The following RNF216 variants were observed in gnomAD, a reference collection of about 807,000 sequenced individuals.
RNF216 encodes E3 ubiquitin-protein ligase RNF216.
Under a neutral mutation model 110.8 loss-of-function variants are expected in RNF216, and 72 were observed. That is an observed-to-expected ratio of 0.65 (90% CI 0.54 to 0.79). The LOEUF (loss-of-function observed/expected upper bound fraction) is 0.79. Ranked by LOEUF, RNF216 falls within the 30% of genes least tolerant of loss-of-function variation. The pLI is 0.00. For synonymous variants in RNF216, 495 were observed against 407.5 expected, an observed-to-expected ratio of 1.21 and a Z score of -2.59; for missense variants, 1,342 against 1,141.2, an observed-to-expected ratio of 1.18 and a Z score of -2.54.
At chr7:5,707,331 G>C (rs115911752) in intron 13 of RNF216, among the ~76,000 whole-genome samples, 1 of 152,106 alleles carries the variant, frequency 6.6e-6, no homozygotes, top group Admixed American at 6.5e-5. Context: ...ATAGTTTTCA[G>C]TGTATAAGTC....
At chr7:5,731,119 T>C (rs1280201288) in intron 5 of RNF216, among the ~76,000 whole-genome samples, 1 of 152,190 alleles carries the variant, frequency 6.6e-6, no homozygotes, top group Non-Finnish European at 1.5e-5. Context: ...CTATTATTGG[T>C]TAAACTACAA....
intron 14 of RNF216, among the ~76,000 whole-genome samples, chr7:5,647,675 G>A (rs1487754167): frequency 6.6e-6 from 1 of 152,122 alleles, no homozygotes; most frequent in Admixed American, 6.5e-5. Flanking sequence ...GGGTTAGCTC[G>A]TATAGTTTTA....
chr7:5,633,546 G>T (rs1360308606), intron 15 of RNF216, among the ~76,000 whole-genome samples: 2 of 152,120 alleles, frequency 1.3e-5, no homozygotes, highest in African/African-American at 4.8e-5. Context: ...CTGCACTCCA[G>T]CCTGGGCGAC....
intron 13 of RNF216, among the ~76,000 whole-genome samples, chr7:5,691,931 G>C (rs990139049): frequency 6.6e-6 from 1 of 152,168 alleles, no homozygotes; most frequent in African/African-American, 2.4e-5. Flanking sequence ...AGACCCCAGG[G>C]GCCGACAGTC....
At chr7:5,669,477 A>T (rs987322391) in intron 13 of RNF216, among the ~76,000 whole-genome samples, 6 of 152,218 alleles carry the variant, frequency 3.9e-5, no homozygotes, top group African/African-American at 1.4e-4. Context: ...GTGAAAGATT[A>T]TATTGACAGA....
intron 8 of RNF216, 99 bp from the exon 9 acceptor site, chr7:5,721,271 C>A: frequency 9.6e-7 from 1 of 1,042,258 alleles, no homozygotes; most frequent in South Asian, 1.5e-5. Context: ...TCCACCTTCT[C>A]TCTGATGGTA....
intron 1 of RNF216, among the ~76,000 whole-genome samples, chr7:5,763,484 G>A (rs933939192): frequency 2.6e-5 from 4 of 152,060 alleles, no homozygotes; most frequent in South Asian, 4.1e-4. Context: ...ATAAAAATTA[G>A]CCAGGCGTGG....
chr7:5,779,658 A>T (rs1470617481), intron 1 of RNF216, among the ~76,000 whole-genome samples: 56 of 674 alleles, frequency 0.083, no homozygotes, highest in East Asian at 0.46. Context: ...CCGTCTCTTA[A>T]AAAAAAAAAA....
intron 5 of RNF216, among the ~76,000 whole-genome samples, chr7:5,736,128 TGTCCC>T (rs1794383121): frequency 6.6e-6 from 1 of 151,876 alleles, no homozygotes; most frequent in South Asian, 2.1e-4. Flanking sequence ...TCCCTGTCCC[TGTCCC>T]TGTCCCTCTC....
At chr7:5,770,968 C>T (rs1428407012) in intron 1 of RNF216, among the ~76,000 whole-genome samples, 6 of 152,026 alleles carry the variant, frequency 3.9e-5, no homozygotes, top group Admixed American at 6.6e-5. Context: ...CCACCACGCC[C>T]GGCTAATTTT....
At chr7:5,707,261 G>A (rs1562412357) in intron 13 of RNF216, among the ~76,000 whole-genome samples, 1 of 152,130 alleles carries the variant, frequency 6.6e-6, no homozygotes, top group East Asian at 1.9e-4. Flanking sequence ...GGTTCCATAT[G>A]CATTTTAGGG....
rs144060677 is a variant in RNF216, at chr7:5,627,326, C to T, written c.2383-3201G>A. On this transcript the variant is annotated intron_variant, in intron 15 of 16. Coordinates refer to ENST00000389902, the MANE Select transcript of RNF216 (RefSeq NM_207111.4). ...CCACACCAGTCAGGACCGTGCTGGA[C>T]GCTGCAGACACAGTGAGGAGTGTGG... 3.9e-5 allele frequency among the ~76,000 whole-genome samples: 6 copies of T among 152,334 alleles called. No homozygotes were observed. The East Asian group carries it at 5.8e-4, about 15-fold the overall frequency.
chr7:5,669,049 T>A (rs1359887167), intron 13 of RNF216, among the ~76,000 whole-genome samples: 1 of 152,152 alleles, frequency 6.6e-6, no homozygotes, highest in Non-Finnish European at 1.5e-5. Flanking sequence ...TAAAGAGCAT[T>A]AGAGAGTATT....
intron 13 of RNF216, 60 bp from the exon 14 acceptor site, chr7:5,652,570 T>G: frequency 8.9e-7 from 1 of 1,124,118 alleles, no homozygotes; most frequent in Non-Finnish European, 1.4e-6. Flanking sequence ...CAGAAGTTCC[T>G]GTTCAACAAA....
chr7:5,758,107 A>T lies in RNF216; in HGVS notation c.67+2896T>A, dbSNP rs1405595502. On this transcript the variant is annotated intron_variant, in intron 2 of 16. Transcript: ENST00000389902. ...CTCGTCTAACAAAATATATCTCCAA[A>T]GTCAGTAATTTTCCAAAATGAATTA... is the stretch of plus-strand genomic sequence containing the variant. 2.0e-5 allele frequency among the ~76,000 whole-genome samples: 3 copies of T among 152,252 alleles called. No individual in the cohort carries two copies. The East Asian group carries it at 5.8e-4, about 29-fold the overall frequency.
chr7:5,670,182 C>A (rs1789812426), intron 13 of RNF216, among the ~76,000 whole-genome samples: 1 of 152,130 alleles, frequency 6.6e-6, no homozygotes, highest in Non-Finnish European at 1.5e-5. Context: ...GAGGCACCCG[C>A]CTCGGCCTCC....
intron 13 of RNF216, among the ~76,000 whole-genome samples, chr7:5,689,285 G>A (rs1453053398): frequency 6.7e-6 from 1 of 150,140 alleles, no homozygotes; most frequent in Non-Finnish European, 1.5e-5. Flanking sequence ...TATAGGAAAA[G>A]TGACAGAAGT....
At position 5,768,854 on chromosome 7, in the gene RNF216, G is replaced by T. The variant is rs181760732; in HGVS notation, c.-69-7716C>A. On this transcript the variant is annotated intron_variant, in intron 1 of 16. Transcript: ENST00000389902. ...TTTTTTGTATTTTTAGTAGAGACAG[G>T]GTTTCACCATGTTAGCCAGGATGGT... 3.9e-3 allele frequency among the ~76,000 whole-genome samples: 595 copies of T among 151,628 alleles called. 3 individuals are homozygous for T. Among genetic ancestry groups the T allele is most frequent in the African/African-American group, 0.014 (560 of 41,366 alleles).
intron 13 of RNF216, among the ~76,000 whole-genome samples, chr7:5,682,150 T>C (rs1265842772): frequency 1.3e-5 from 2 of 152,222 alleles, no homozygotes; most frequent in Admixed American, 1.3e-4. Context: ...AACCGTTGGC[T>C]TTCTTTCCCC....
Sources: allele counts gnomAD v4.1 joint callset (sites outside exome capture counted in the v4.1 genomes callset), GRCh38; gene constraint gnomAD v4.1.1; transcripts MANE v1.5; gene names NCBI Gene and HGNC (gene_info 2026-07-23, HGNC 2026-07-21).